DGKH: variants seen among roughly 807,000 people sequenced by gnomAD.
DGKH encodes the protein diacylglycerol kinase eta, also known as DAG kinase eta.
Under a neutral mutation model 159.3 loss-of-function variants are expected in DGKH, and 90 were observed. The observed-to-expected ratio is 0.57, with a 90% CI of 0.48 to 0.67. The LOEUF (loss-of-function observed/expected upper bound fraction) is 0.67, where lower values mean the gene tolerates loss of function less well. Ranked by LOEUF, DGKH falls within the 30% of genes least tolerant of loss-of-function variation. DGKH has a pLI of 0.00. For synonymous variants in DGKH, 536 were observed against 553.8 expected, an observed-to-expected ratio of 0.97 and a Z score of 0.45; for missense variants, 1,181 against 1,506.1, an observed-to-expected ratio of 0.78 and a Z score of 3.57.
chr13:42,219,058 A>T (rs9315898), intron 26 of DGKH, among the ~76,000 whole-genome samples, 172 bp from the exon 27 acceptor site: 91,766 of 151,992 alleles, frequency 0.6, 27,945 homozygotes, highest in African/African-American at 0.66. Context: ...CAGATTTTTT[A>T]AAAATGAAAT....
intron 1 of DGKH, among the ~76,000 whole-genome samples, chr13:42,060,060 C>A (rs1882037782): frequency 6.6e-6 from 1 of 152,084 alleles, no homozygotes; most frequent in Non-Finnish European, 1.5e-5. Context: ...TGCATGCCAC[C>A]ACGCCTGGCT....
downstream of DGKH, among the ~76,000 whole-genome samples, chr13:42,246,414 T>C (rs1366865295): frequency 6.6e-6 from 1 of 152,052 alleles, no homozygotes; most frequent in Non-Finnish European, 1.5e-5. Context: ...TAGTGAGGCC[T>C]CATCTCTATT....
intron 5 of DGKH, 22 bp from the exon 6 acceptor site, chr13:42,159,244 C>CTTTTTTTTTTTTTTTTTTTTTTTTCT (rs57531279): frequency 5.0e-6 from 1 of 200,416 alleles, no homozygotes; most frequent in African/African-American, 3.9e-5. Flanking sequence ...AGCAGTTGCT[C>CTTTTTTTTTTTTTTTTTTTTTTTTCT]TTTTTTTTTT....
intron 13 of DGKH, among the ~76,000 whole-genome samples, chr13:42,184,389 A>G (rs1956854934): frequency 6.6e-6 from 1 of 152,172 alleles, no homozygotes; most frequent in African/African-American, 2.4e-5. Context: ...TACTAATACT[A>G]GTGATGAGAA....
In DGKH at chr13:42,210,712, A is replaced by G; in HGVS notation, c.2961A>G (p.Glu987=). 1 of 1,612,408 alleles carries G rather than the reference A, an allele frequency of 6.2e-7. No individual in the cohort carries two copies. Among genetic ancestry groups the G allele is most frequent in the Non-Finnish European group, 8.5e-7 (1 of 1,179,964 alleles). ...YIHHAIDLAT[E]EVSQMQLCSQ... is the part of the protein sequence containing the mutation. ...ATCACGCCATTGACTTGGCAACAGA[A>G]GAGGTGTCGCAGATGCAGCTATGCT... is the stretch of plus-strand genomic sequence containing the variant. Residue 987 remains glutamate, a synonymous_variant, in exon 24 of 30, where the codon GAA becomes GAG. Transcript: ENST00000337343.
chr13:42,150,620 T>C (rs2137929079), intron 3 of DGKH, among the ~76,000 whole-genome samples: 1 of 152,364 alleles, frequency 6.6e-6, no homozygotes, highest in East Asian at 1.9e-4. Flanking sequence ...CTGTGTTTAA[T>C]GAGCTTAATT....
In DGKH at chr13:42,209,474, C is replaced by T; in HGVS notation, c.2850+9C>T. On this transcript the variant is annotated intron_variant, in intron 23 of 29. Coordinates refer to ENST00000337343, the MANE Select transcript of DGKH (RefSeq NM_178009.5). ...TGCTAACAAGGGACAGAGTATGTAA[C>T]AAAAACATTCTTCTAGAATATTGTC... 6.3e-7 allele frequency: 1 copy of T among 1,574,856 alleles called. No individual in the cohort carries two copies. Among genetic ancestry groups the T allele is most frequent in the East Asian group, 2.3e-5 (1 of 44,178 alleles).
rs1958234019 is a variant in DGKH, at chr13:42,229,480, A to G, written c.*292A>G. ...AATCTGAGACGATTGCATTGTCTAA[A>G]CAGTGGAATTGCAAAATGTTTACTT... is the stretch of plus-strand genomic sequence containing the variant. On this transcript the variant is annotated 3_prime_UTR_variant, in exon 30 of 30. Coordinates refer to ENST00000337343, the MANE Select transcript of DGKH (RefSeq NM_178009.5). 2 of 272,720 alleles carry G rather than the reference A, an allele frequency of 7.3e-6. No individual in the cohort carries two copies. The highest frequency in any genetic ancestry group is 1.1e-4 in the South Asian group (2 of 17,996). 16.9% of individuals were successfully genotyped at this position (272,720 alleles called of 1,614,324 possible).
In DGKH at chr13:42,240,604, T is replaced by C. The variant is rs1566233605; in HGVS notation, c.*11416T>C. On this transcript the variant is annotated 3_prime_UTR_variant, in exon 30 of 30. Transcript: ENST00000337343. The stretch of plus-strand genomic sequence containing the variant: ...TAAATAATATTCAGCTGGGGGGAAA[T>C]AGACTGAGTTTGTGTGATTTCAGGT... 6.6e-6 allele frequency: 1 copy of C among 152,044 alleles called. No individual in the cohort carries two copies. The highest frequency in any genetic ancestry group is 1.5e-5 in the Non-Finnish European group (1 of 68,012). 9.4% of individuals were successfully genotyped at this position (152,044 alleles called of 1,614,324 possible).
At chr13:42,085,644 A>T (rs963431843) in intron 1 of DGKH, among the ~76,000 whole-genome samples, 1 of 152,212 alleles carries the variant, frequency 6.6e-6, no homozygotes, top group African/African-American at 2.4e-5. Context: ...TAGAAATAAC[A>T]TTTTCAAAGA....
intron 1 of DGKH, among the ~76,000 whole-genome samples, chr13:42,054,029 G>A (rs563996791): frequency 4.6e-5 from 7 of 152,112 alleles, no homozygotes; most frequent in African/African-American, 1.7e-4. Context: ...TTCCTTTATG[G>A]TAAGGCAGTA....
intron 3 of DGKH, among the ~76,000 whole-genome samples, chr13:42,135,631 T>C (rs2137864394): frequency 6.6e-6 from 1 of 152,304 alleles, no homozygotes; most frequent in Non-Finnish European, 1.5e-5. Flanking sequence ...AAAAATTCAT[T>C]TTAAAAATTT....
Position 42,221,307 on chromosome 13 carries a change from G to A in DGKH, c.3486G>A (p.Leu1162=). The A allele has an allele frequency of 4.3e-6, 7 of 1,613,646 alleles. No homozygotes were observed. The highest frequency in any genetic ancestry group is 5.9e-6 in the Non-Finnish European group (7 of 1,179,662). Residue 1162 remains leucine (L), a synonymous_variant, in exon 29 of 30, where the codon CTG becomes CTA. Transcript: ENST00000337343. The part of the protein sequence containing the change: ...GTEEVAAWLD[L]LNLGEYKDIF... ...AGGAAGTTGCTGCTTGGCTGGATCT[G>A]CTCAATTTGGGAGAGTACAAAGATA...
intron 1 of DGKH, among the ~76,000 whole-genome samples, chr13:42,071,802 G>T (rs1266228334): frequency 6.6e-6 from 1 of 152,200 alleles, no homozygotes; most frequent in African/African-American, 2.4e-5. Flanking sequence ...CTCTGGCTGT[G>T]CTGGCGGCAG....
intron 20 of DGKH, among the ~76,000 whole-genome samples, chr13:42,201,380 T>C (rs1957343604): frequency 6.6e-6 from 1 of 152,090 alleles, no homozygotes; most frequent in Non-Finnish European, 1.5e-5. Context: ...GAGGGTGAAA[T>C]AGATGGGTAA....
At chr13:42,084,912 T>C (rs992364623) in intron 1 of DGKH, among the ~76,000 whole-genome samples, 12 of 144,678 alleles carry the variant, frequency 8.3e-5, no homozygotes, top group African/African-American at 2.5e-4. Flanking sequence ...TTCATAATGA[T>C]TGTTCTTAGT....
chr13:42,041,476 C>G (rs997922172), intron 1 of DGKH, among the ~76,000 whole-genome samples: 36 of 152,348 alleles, frequency 2.4e-4, no homozygotes, highest in Admixed American at 7.2e-4. Flanking sequence ...AGAAAGCTGA[C>G]TTCGCTTTCG....
Position 42,191,019 on chromosome 13 carries a change from C to G in DGKH, c.2035+494C>G, listed in dbSNP as rs184452568. On this transcript the variant is annotated intron_variant, in intron 16 of 29. Transcript: ENST00000337343. ...GCTTCAAAATCATAGGACTTTAAAG[C>G]AAGCGTTAAAATCACTGGACTTCTA... Among the ~76,000 whole-genome samples, 20 of 152,264 alleles carry G rather than the reference C, an allele frequency of 1.3e-4. 1 individual carries two copies. Among genetic ancestry groups the G allele is most frequent in the Admixed American group, 5.2e-4 (8 of 15,290 alleles).
At chr13:42,189,370 G>A (rs1338246357) in intron 15 of DGKH, 61 bp downstream of exon 15, 11 of 1,599,436 alleles carry the variant, frequency 6.9e-6, no homozygotes, top group East Asian at 6.7e-5. Flanking sequence ...CAAGCATAAC[G>A]GAGTTTCCAT....
Sources: gnomAD v4.1 joint callset for allele counts (sites outside exome capture counted in the v4.1 genomes callset) on GRCh38, gnomAD v4.1.1 for gene constraint, MANE v1.5 for transcripts, NCBI Gene and HGNC (gene_info 2026-07-23, HGNC 2026-07-21) for gene names.